Variants in NPFFR2 observed in about 807,000 individuals in gnomAD.
The protein encoded by NPFFR2 is G-protein coupled receptor 74.
A neutral mutation model predicts 13.1 loss-of-function variants in NPFFR2; 15 were observed. The ratio of observed to expected loss-of-function variants is 1.15; its 90% CI spans 0.77 to 1.76. The LOEUF (loss-of-function observed/expected upper bound fraction) is 1.76, where lower values mean the gene tolerates loss of function less well. Among genes scored for constraint, NPFFR2 ranks in the 40% most tolerant of loss-of-function variants. NPFFR2 has a pLI of 0.00. For missense variants in NPFFR2, 572 were observed against 503.5 expected, an observed-to-expected ratio of 1.14 and a Z score of -1.30; for synonymous variants, 190 against 175.7, an observed-to-expected ratio of 1.08 and a Z score of -0.65.
At chr4:72,113,169 C>T (rs570259507) in intron 1 of NPFFR2, among the ~76,000 whole-genome samples, 1 of 152,180 alleles carries the variant, frequency 6.6e-6, no homozygotes, top group East Asian at 1.9e-4. Flanking sequence ...AGAAGTGGGA[C>T]ATCATTCCAA....
At chr4:72,097,356 GTCTT>G (rs1360981444) in intron 1 of NPFFR2, among the ~76,000 whole-genome samples, 2 of 151,890 alleles carry the variant, frequency 1.3e-5, no homozygotes, top group Non-Finnish European at 2.9e-5. Context: ...GTTTTCCTCT[GTCTT>G]TCTTTATTCA....
In NPFFR2 at chr4:72,090,503, C is replaced by T. The variant is rs189414657; in HGVS notation, c.-7-38082C>T. Reference sequence around the variant, plus strand: ...TTGTGTCATCTATTATTTCTTTCAGCAGTGTTTTATAGTTTTCCTTGTAGA... The same window carrying T: ...TTGTGTCATCTATTATTTCTTTCAGTAGTGTTTTATAGTTTTCCTTGTAGA... On this transcript the variant is annotated intron_variant, in intron 1 of 3. Coordinates refer to ENST00000308744, the MANE Select transcript of NPFFR2 (RefSeq NM_004885.3). Among the ~76,000 whole-genome samples the T allele has an allele frequency of 5.5e-4, 84 of 152,182 alleles. No homozygotes were observed. In the East Asian group the frequency reaches 6.9e-3, roughly 13 times the overall value.
At chr4:72,126,776 C>A (rs1722054163) in intron 1 of NPFFR2, among the ~76,000 whole-genome samples, 1 of 152,122 alleles carries the variant, frequency 6.6e-6, no homozygotes, top group Non-Finnish European at 1.5e-5. Flanking sequence ...TGTGTTTTCA[C>A]AATTTGTTAC....
chr4:72,131,143 G>T (rs910190498), intron 2 of NPFFR2, among the ~76,000 whole-genome samples: 9 of 151,988 alleles, frequency 5.9e-5, no homozygotes, highest in African/African-American at 2.2e-4. Context: ...GTTTTTATAG[G>T]TATAGGATGC....
In NPFFR2 at chr4:72,074,179, G is replaced by T. The variant is rs572403804; in HGVS notation, c.-8+41979G>T. Among the ~76,000 whole-genome samples, 9 of 152,122 alleles carry T rather than the reference G, an allele frequency of 5.9e-5. No individual in the cohort carries two copies. The South Asian group carries it at 1.9e-3, about 32-fold the overall frequency. On this transcript the variant is annotated intron_variant, in intron 1 of 3. Transcript: ENST00000308744. ...GACAAATAAGCTGCTAACCAAGATG[G>T]TTATTAGGTGACTAATGACAATCCA...
intron 1 of NPFFR2, among the ~76,000 whole-genome samples, chr4:72,041,126 T>C (rs184500610): frequency 3.3e-5 from 5 of 152,268 alleles, no homozygotes; most frequent in Admixed American, 2.6e-4. Context: ...CAATACGTAA[T>C]TTTTCAACCC....
chr4:72,053,677 C>T (rs1047233029), intron 1 of NPFFR2, among the ~76,000 whole-genome samples: 2 of 151,732 alleles, frequency 1.3e-5, no homozygotes, highest in Non-Finnish European at 2.9e-5. Flanking sequence ...TTTATGATGA[C>T]TTTCATATAG....
In NPFFR2 at chr4:72,038,901, C is replaced by CTTTTTT. The variant is rs34623356; in HGVS notation, c.-8+6704_-8+6705insTTTTTT. Among the ~76,000 whole-genome samples, 196 of 86,924 alleles carry CTTTTTT rather than the reference C, an allele frequency of 2.3e-3. 11 individuals carry two copies. The highest frequency in any genetic ancestry group is 0.013 in the Middle Eastern group (1 of 76). 57.0% of individuals were successfully genotyped at this position (86,924 alleles called of 152,430 possible). A position where few individuals can be genotyped will look rare whatever the true frequency, so the allele number is the denominator to read the frequency against. On this transcript the variant is annotated intron_variant, in intron 1 of 3. Transcript: ENST00000308744. ...TTTTAATTCTTGATTTTTAAATTTC[C>CTTTTTT]TTTCTTTTTTTTTTTTTTTTTTTTT... is the stretch of plus-strand genomic sequence containing the variant.
chr4:72,036,534 AT>A (rs1232578783), intron 1 of NPFFR2, among the ~76,000 whole-genome samples: 1 of 144,170 alleles, frequency 6.9e-6, no homozygotes, highest in African/African-American at 2.6e-5. Context: ...GTATATATAC[AT>A]TTAAATATAT....
chr4:72,091,027 T>A (rs1720904897), intron 1 of NPFFR2, among the ~76,000 whole-genome samples: 1 of 151,698 alleles, frequency 6.6e-6, no homozygotes, highest in South Asian at 2.1e-4. Context: ...TAAACGTTAA[T>A]CTATTTTAAT....
chr4:72,041,939 T>G (rs1026090635), intron 1 of NPFFR2, among the ~76,000 whole-genome samples: 1 of 152,232 alleles, frequency 6.6e-6, no homozygotes, highest in African/African-American at 2.4e-5. Flanking sequence ...GTAGGTTGTC[T>G]GTTTACTTCG....
intron 2 of NPFFR2, among the ~76,000 whole-genome samples, chr4:72,134,235 G>T (rs1001166749): frequency 2.6e-5 from 4 of 152,144 alleles, no homozygotes; most frequent in Non-Finnish European, 5.9e-5. Flanking sequence ...CTGCACTCCA[G>T]CCTGGGTGAC....
chr4:72,080,432 G>A (rs1466191534), intron 1 of NPFFR2, among the ~76,000 whole-genome samples: 3 of 152,074 alleles, frequency 2.0e-5, no homozygotes, highest in Non-Finnish European at 4.4e-5. Context: ...CAAAGTGCTG[G>A]ATTACAGGTG....
At chr4:72,100,242 C>T (rs1240379697) in intron 1 of NPFFR2, among the ~76,000 whole-genome samples, 2 of 152,132 alleles carry the variant, frequency 1.3e-5, no homozygotes, top group African/African-American at 2.4e-5. Flanking sequence ...AAATGGCTTA[C>T]TACTGGCTAA....
intron 3 of NPFFR2, among the ~76,000 whole-genome samples, chr4:72,143,279 C>T (rs968565277): frequency 1.7e-4 from 26 of 152,136 alleles, no homozygotes; most frequent in African/African-American, 6.3e-4. Context: ...AATATGCTGC[C>T]TGTAAATTGG....
At position 72,128,618 on chromosome 4, in the gene NPFFR2, T is replaced by C. The variant is rs747807101; in HGVS notation, c.27T>C (p.Ser9=). The change falls in exon 2 of 4, where the codon TCT becomes TCC. Residue 9 remains serine, a synonymous_variant. Coordinates refer to ENST00000308744, the MANE Select transcript of NPFFR2 (RefSeq NM_004885.3). MNEKWDTN[S]SENWHPIWNV... is the part of the protein sequence containing the mutation. ...TGAATGAGAAATGGGACACAAACTC[T>C]TCAGAAAACTGGCATCCCATCTGGA... The C allele has an allele frequency of 6.2e-7, 1 of 1,611,146 alleles. No homozygotes were observed. Among genetic ancestry groups the C allele is most frequent in the Non-Finnish European group, 8.5e-7 (1 of 1,177,734 alleles).
chr4:72,076,534 A>G (rs1386199300), intron 1 of NPFFR2, among the ~76,000 whole-genome samples: 1 of 152,144 alleles, frequency 6.6e-6, no homozygotes, highest in Non-Finnish European at 1.5e-5. Context: ...TATGAAAATA[A>G]GCCATTGTTT....
At chr4:72,110,176 T>C (rs1048424790) in intron 1 of NPFFR2, among the ~76,000 whole-genome samples, 1 of 151,904 alleles carries the variant, frequency 6.6e-6, no homozygotes, top group African/African-American at 2.4e-5. Context: ...GCTGCTCTCA[T>C]GATAGAGAGT....
At chr4:72,095,169 C>T (rs757058652) in intron 1 of NPFFR2, among the ~76,000 whole-genome samples, 11 of 152,080 alleles carry the variant, frequency 7.2e-5, no homozygotes, top group Non-Finnish European at 1.2e-4. Flanking sequence ...AGTAAGAAGA[C>T]GAGTCCCAAA....
Sources: gnomAD v4.1 joint callset for allele counts (sites outside exome capture counted in the v4.1 genomes callset) on GRCh38, gnomAD v4.1.1 for gene constraint, MANE v1.5 for transcripts, NCBI Gene and HGNC (gene_info 2026-07-23, HGNC 2026-07-21) for gene names.